Variants in SDC2 observed in about 807,000 individuals in gnomAD.
SDC2 encodes syndecan 2.
Under a neutral mutation model 22.2 loss-of-function variants are expected in SDC2, and 13 were observed. The observed-to-expected ratio is 0.59, with a 90% CI of 0.38 to 0.93. The LOEUF (loss-of-function observed/expected upper bound fraction) is 0.93. SDC2 is among the 40% of genes least tolerant of loss of function. The probability of loss-of-function intolerance (pLI) is 0.00; values close to 1 mark genes in which losing one functional copy is unlikely to be tolerated. For missense variants in SDC2, 235 were observed against 246.8 expected, an observed-to-expected ratio of 0.95 and a Z score of 0.32; for synonymous variants, 94 against 92.8, an observed-to-expected ratio of 1.01 and a Z score of -0.07.
chr8:96,543,035 G>C (rs555952005), intron 1 of SDC2, among the ~76,000 whole-genome samples: 1 of 152,312 alleles, frequency 6.6e-6, no homozygotes, highest in African/African-American at 2.4e-5. Flanking sequence ...AGGAATGTGA[G>C]AAATAGCTGT....
intron 1 of SDC2, among the ~76,000 whole-genome samples, chr8:96,495,842 A>T (rs940863994): frequency 1.3e-5 from 2 of 152,154 alleles, no homozygotes; most frequent in African/African-American, 4.8e-5. Flanking sequence ...AGACTACATG[A>T]GTATTTTGGG....
chr8:96,569,211 G>A (rs540443131), intron 1 of SDC2, among the ~76,000 whole-genome samples: 57 of 152,270 alleles, frequency 3.7e-4, no homozygotes, highest in Middle Eastern at 3.4e-3. Context: ...GTCTCACTAC[G>A]TTGCTCAGGC....
chr8:96,553,944 T>G (rs1417554869), intron 1 of SDC2, among the ~76,000 whole-genome samples: 4 of 151,954 alleles, frequency 2.6e-5, no homozygotes, highest in African/African-American at 7.2e-5. Flanking sequence ...GTTTTTTTGT[T>G]GTTTGCTTTT....
In SDC2 at chr8:96,568,259, G is replaced by T. The variant is rs368397333; in HGVS notation, c.61-25221G>T. Among the ~76,000 whole-genome samples the T allele has an allele frequency of 5.9e-5, 9 of 152,206 alleles. No individual in the cohort carries two copies. In the East Asian group the frequency reaches 1.5e-3, roughly 26 times the overall value. ...TGGTGAAAGAATATACCTTGTGGGG[G>T]TGGAAAATGAAATGTTATCTGTAAT... is the stretch of plus-strand genomic sequence containing the variant. On this transcript the variant is annotated intron_variant, in intron 1 of 4. Coordinates refer to ENST00000302190, the MANE Select transcript of SDC2 (RefSeq NM_002998.4).
intron 1 of SDC2, among the ~76,000 whole-genome samples, chr8:96,513,674 G>A (rs1306900052): frequency 6.6e-6 from 1 of 152,190 alleles, no homozygotes; most frequent in Non-Finnish European, 1.5e-5. Flanking sequence ...TGAGAAAGAT[G>A]TAACGTCATG....
Position 96,494,162 on chromosome 8 carries a change from C to G in SDC2, c.-110C>G, listed in dbSNP as rs1813008649. 8.6e-7 allele frequency: 1 copy of G among 1,162,372 alleles called. No individual in the cohort carries two copies. The highest frequency in any genetic ancestry group is 2.8e-5 in the East Asian group (1 of 36,030). 72.0% of individuals were successfully genotyped at this position (1,162,372 alleles called of 1,614,324 possible). ...CCCCGAGCCTGAGCCGCAATCGCTGCGGTACTCTGCTCCGGATTCGTGTGC... is the reference window on the plus strand; with the variant it reads ...CCCCGAGCCTGAGCCGCAATCGCTGGGGTACTCTGCTCCGGATTCGTGTGC... On this transcript the variant is annotated 5_prime_UTR_variant, in exon 1 of 5. Coordinates refer to ENST00000302190, the MANE Select transcript of SDC2 (RefSeq NM_002998.4).
intron 1 of SDC2, among the ~76,000 whole-genome samples, chr8:96,527,921 T>G (rs1813603434): frequency 6.6e-6 from 1 of 152,210 alleles, no homozygotes; most frequent in Non-Finnish European, 1.5e-5. Flanking sequence ...GTGATATATT[T>G]ATAATAGAAA....
intron 2 of SDC2, 30 bp from the exon 3 acceptor site, chr8:96,602,365 T>C (rs1184560887): frequency 1.9e-6 from 3 of 1,610,678 alleles, no homozygotes; most frequent in Non-Finnish European, 2.5e-6. Context: ...ATGATTGCCA[T>C]GCTCAGTTCA....
intron 1 of SDC2, among the ~76,000 whole-genome samples, chr8:96,551,873 T>C (rs1351383353): frequency 6.6e-6 from 1 of 152,186 alleles, no homozygotes; most frequent in East Asian, 1.9e-4. Flanking sequence ...ATAATCTCCA[T>C]CTTTCTCCCA....
intron 1 of SDC2, among the ~76,000 whole-genome samples, chr8:96,505,455 C>G (rs1046397865): frequency 6.6e-6 from 1 of 152,076 alleles, no homozygotes; most frequent in Non-Finnish European, 1.5e-5. Flanking sequence ...AGGTGCACCA[C>G]CACACGCAGC....
intron 1 of SDC2, among the ~76,000 whole-genome samples, chr8:96,528,065 A>G (rs1391343612): frequency 1.0e-5 from 1 of 95,916 alleles, no homozygotes; most frequent in Non-Finnish European, 2.5e-5. Flanking sequence ...TAGCGTATGG[A>G]ATAACTTAAT....
chr8:96,565,256 G>A (rs2130570846), intron 1 of SDC2, among the ~76,000 whole-genome samples: 1 of 149,940 alleles, frequency 6.7e-6, no homozygotes, highest in Non-Finnish European at 1.5e-5. Flanking sequence ...AGCTAATTTT[G>A]TTTGTATTTT....
intron 1 of SDC2, among the ~76,000 whole-genome samples, chr8:96,521,904 C>T (rs1172911089): frequency 6.6e-6 from 1 of 152,082 alleles, no homozygotes; most frequent in Non-Finnish European, 1.5e-5. Flanking sequence ...TTTTGAGTAA[C>T]CAAGAGAAAA....
intron 3 of SDC2, among the ~76,000 whole-genome samples, chr8:96,604,299 C>T (rs1815041563): frequency 1.3e-5 from 2 of 151,988 alleles, no homozygotes; most frequent in Non-Finnish European, 1.5e-5. Flanking sequence ...TGCATCAGAT[C>T]GAGATAAAAA....
chr8:96,554,262 C>A (rs377670529), intron 1 of SDC2, among the ~76,000 whole-genome samples: 1 of 152,012 alleles, frequency 6.6e-6, no homozygotes, highest in African/African-American at 2.4e-5. Context: ...TATTGAAATA[C>A]GTATTTGAGT....
chr8:96,576,414 C>T (rs376899419), intron 1 of SDC2, among the ~76,000 whole-genome samples: 39 of 14,778 alleles, frequency 2.6e-3, no homozygotes, highest in Non-Finnish European at 5.0e-3. Flanking sequence ...CTTTATTATT[C>T]TCTTTTTTTT....
intron 4 of SDC2, among the ~76,000 whole-genome samples, chr8:96,608,784 T>G (rs1815127806): frequency 6.6e-6 from 1 of 152,208 alleles, no homozygotes; most frequent in African/African-American, 2.4e-5. Flanking sequence ...TCCATCAGTC[T>G]TGCTCACAGG....
chr8:96,525,334 TAAC>T (rs150248653), intron 1 of SDC2, among the ~76,000 whole-genome samples: 3,486 of 152,244 alleles, frequency 0.023, 130 homozygotes, highest in African/African-American at 0.08. Flanking sequence ...GCTCCTCTTT[TAAC>T]AGCTGCCTCC....
chr8:96,543,031 G>A (rs900935328), intron 1 of SDC2, among the ~76,000 whole-genome samples: 3 of 152,186 alleles, frequency 2.0e-5, no homozygotes, highest in Non-Finnish European at 2.9e-5. Context: ...GATAAGGAAT[G>A]TGAGAAATAG....
Sources: allele counts gnomAD v4.1 joint callset (sites outside exome capture counted in the v4.1 genomes callset), GRCh38; gene constraint gnomAD v4.1.1; transcripts MANE v1.5; gene names NCBI Gene and HGNC (gene_info 2026-07-23, HGNC 2026-07-21).